Variants in LRRTM4 observed in about 807,000 individuals in gnomAD.
LRRTM4 encodes the protein leucine rich repeat transmembrane neuronal 4.
LRRTM4 carries 25 observed loss-of-function variants against 47.6 expected under a neutral mutation model. The ratio of observed to expected loss-of-function variants is 0.53; its 90% confidence interval spans 0.38 to 0.73. The LOEUF is 0.73. Ranked by LOEUF, LRRTM4 falls within the 30% of genes least tolerant of loss-of-function variation. LRRTM4 has a pLI of 0.00. For missense variants in LRRTM4, 638 were observed against 713.4 expected, an observed-to-expected ratio of 0.89 and a Z score of 1.20; for synonymous variants, 311 against 269.5, an observed-to-expected ratio of 1.15 and a Z score of -1.51.
At chr2:76,819,003 A>G (rs145296442) in intron 3 of LRRTM4, among the ~76,000 whole-genome samples, 10 of 151,918 alleles carry the variant, frequency 6.6e-5, no homozygotes, top group Non-Finnish European at 1.2e-4. Context: ...TCGACATGGT[A>G]TGGAACAAAG....
chr2:77,472,269 G>T (rs1488409180), intron 3 of LRRTM4, among the ~76,000 whole-genome samples: 1 of 152,096 alleles, frequency 6.6e-6, no homozygotes, highest in African/African-American at 2.4e-5. Context: ...TCAGAAATAA[G>T]TTATAGTGCC....
intron 3 of LRRTM4, among the ~76,000 whole-genome samples, chr2:76,876,572 G>A (rs375580081): frequency 2.0e-5 from 3 of 151,972 alleles, no homozygotes; most frequent in South Asian, 2.1e-4. Context: ...ACGAGTTTTC[G>A]TATATGCCTT....
At chr2:77,338,649 TG>T (rs1671253290) in intron 3 of LRRTM4, among the ~76,000 whole-genome samples, 1 of 152,126 alleles carries the variant, frequency 6.6e-6, no homozygotes, top group South Asian at 2.1e-4. Context: ...ACACTGTTGA[TG>T]GGAATGTAAA....
rs140814619 is a variant in LRRTM4, at chr2:77,304,988, A to G, written c.1551+213330T>C. ...AATTATGCAGAGCCTAAATTAGCCA[A>G]TCTTTTCATTCATTCATTGTAGATT... On this transcript the variant is annotated intron_variant, in intron 3 of 3. Coordinates refer to ENST00000409884, the MANE Select transcript of LRRTM4 (RefSeq NM_001134745.3). Among the ~76,000 whole-genome samples, 713 of 152,170 alleles carry G rather than the reference A, an allele frequency of 4.7e-3. 7 individuals are homozygous for G. The highest frequency in any genetic ancestry group is 5.0e-3 in the Non-Finnish European group (339 of 67,924).
intron 3 of LRRTM4, among the ~76,000 whole-genome samples, chr2:77,148,110 A>C (rs1307027829): frequency 6.6e-6 from 1 of 152,138 alleles, no homozygotes; most frequent in Non-Finnish European, 1.5e-5. Flanking sequence ...ATGCTTTGGC[A>C]CCCAACTCAT....
At chr2:77,128,509 T>C (rs1438232547) in intron 3 of LRRTM4, among the ~76,000 whole-genome samples, 14 of 152,208 alleles carry the variant, frequency 9.2e-5, no homozygotes, top group Admixed American at 9.2e-4. Context: ...TCTGACACAA[T>C]AAGCAATGCT....
At chr2:77,302,776 G>A (rs1383983509) in intron 3 of LRRTM4, among the ~76,000 whole-genome samples, 1 of 152,160 alleles carries the variant, frequency 6.6e-6, no homozygotes, top group East Asian at 1.9e-4. Flanking sequence ...TCCTGAGACT[G>A]TGGAATGAGG....
At chr2:77,290,212 T>G (rs1020325187) in intron 3 of LRRTM4, among the ~76,000 whole-genome samples, 1 of 152,032 alleles carries the variant, frequency 6.6e-6, no homozygotes, top group Admixed American at 6.6e-5. Flanking sequence ...CTATATGATA[T>G]TAATTCAAGA....
At chr2:76,915,968 C>G (rs1244261810) in intron 3 of LRRTM4, among the ~76,000 whole-genome samples, 3 of 151,800 alleles carry the variant, frequency 2.0e-5, no homozygotes, top group Non-Finnish European at 2.9e-5. Context: ...TGTTAGTGAG[C>G]CATAGATTAG....
intron 3 of LRRTM4, among the ~76,000 whole-genome samples, chr2:77,328,398 G>C (rs1015076931): frequency 1.3e-5 from 2 of 152,128 alleles, no homozygotes; most frequent in Non-Finnish European, 2.9e-5. Flanking sequence ...CCTGAAGCTT[G>C]CTGTTCGGGT....
At chr2:77,020,849 A>T (rs951795065) in intron 3 of LRRTM4, among the ~76,000 whole-genome samples, 5 of 152,184 alleles carry the variant, frequency 3.3e-5, no homozygotes, top group African/African-American at 1.2e-4. Flanking sequence ...CTAACCAAGG[A>T]TCATTTTCTG....
At chr2:77,451,856 G>A (rs1676267639) in intron 3 of LRRTM4, among the ~76,000 whole-genome samples, 1 of 152,154 alleles carries the variant, frequency 6.6e-6, no homozygotes, top group African/African-American at 2.4e-5. Flanking sequence ...GTGAGAAGGA[G>A]CTATTCATGG....
chr2:77,059,110 G>A (rs1432918927), intron 3 of LRRTM4, among the ~76,000 whole-genome samples: 1 of 152,052 alleles, frequency 6.6e-6, no homozygotes, highest in Admixed American at 6.6e-5. Context: ...GCTAAACTTG[G>A]CAATGGTTTT....
intron 3 of LRRTM4, among the ~76,000 whole-genome samples, chr2:77,458,453 T>C (rs537097721): frequency 4.3e-4 from 65 of 152,248 alleles, no homozygotes; most frequent in African/African-American, 1.5e-3. Flanking sequence ...CCTTGTTTTA[T>C]TTAAAAAGCC....
chr2:76,932,038 G>T (rs752165667), intron 3 of LRRTM4, among the ~76,000 whole-genome samples: 1 of 152,066 alleles, frequency 6.6e-6, no homozygotes, highest in African/African-American at 2.4e-5. Context: ...TGATGACTTC[G>T]ATCAGTAACT....
chr2:77,278,658 T>C (rs1676430321), intron 3 of LRRTM4, among the ~76,000 whole-genome samples: 1 of 151,994 alleles, frequency 6.6e-6, no homozygotes, highest in Non-Finnish European at 1.5e-5. Context: ...AGGGGCCATT[T>C]ATCCCCATAT....
At chr2:77,301,942 C>G (rs750376394) in intron 3 of LRRTM4, among the ~76,000 whole-genome samples, 1 of 151,790 alleles carries the variant, frequency 6.6e-6, no homozygotes, top group Non-Finnish European at 1.5e-5. Context: ...TAGCAACACT[C>G]GAAAATATTA....
chr2:76,869,463 T>G (rs1314953281), intron 3 of LRRTM4, among the ~76,000 whole-genome samples: 1 of 152,168 alleles, frequency 6.6e-6, no homozygotes, highest in African/African-American at 2.4e-5. Context: ...AAATGCAGAC[T>G]GGCAAAGCTA....
chr2:77,335,361 G>T (rs567973908), intron 3 of LRRTM4, among the ~76,000 whole-genome samples: 2 of 152,178 alleles, frequency 1.3e-5, no homozygotes, highest in Non-Finnish European at 1.5e-5. Flanking sequence ...CCTTCATTCA[G>T]GCTGGGTTCT....
Sources: allele counts gnomAD v4.1 joint callset (sites outside exome capture counted in the v4.1 genomes callset), GRCh38; gene constraint gnomAD v4.1.1; transcripts MANE v1.5; gene names NCBI Gene and HGNC (gene_info 2026-07-23, HGNC 2026-07-21).